Variants in MDN1 observed in about 807,000 individuals in gnomAD.
MDN1 encodes the protein midasin.
In MDN1, 266 loss-of-function variants were observed where a neutral mutation model predicts 669.2. That is an observed-to-expected ratio of 0.40 (90% CI 0.36 to 0.44). MDN1 has a LOEUF of 0.44. Among genes scored for constraint, MDN1 ranks in the 20% least tolerant of loss-of-function variants. The pLI, the probability that MDN1 is intolerant of heterozygous loss-of-function variation, is 1.00. For missense variants in MDN1, 5,940 were observed against 6,754.0 expected (o/e 0.88, Z 4.22); for synonymous variants, 2,385 against 2,457.1 (o/e 0.97, Z 0.87).
intron 83 of MDN1, among the ~76,000 whole-genome samples, chr6:89,670,349 A>G (rs1166752486): frequency 1.3e-5 from 2 of 150,172 alleles, no homozygotes; most frequent in African/African-American, 4.9e-5. Context: ...TAATTTTTGT[A>G]TTTTTAGTAG....
chr6:89,767,558 G>A (rs1032967547), intron 15 of MDN1, among the ~76,000 whole-genome samples: 1 of 152,000 alleles, frequency 6.6e-6, no homozygotes, highest in Non-Finnish European at 1.5e-5. Context: ...AGGAGTTCGA[G>A]ACCAGCCTGA....
Position 89,745,598 on chromosome 6 carries a change from C to A in MDN1, c.3933G>T (p.Arg1311Ser). The change falls in exon 28 of 102, where the codon AGG becomes AGT. Residue 1311 changes from arginine (R) to serine (S), a missense_variant. Coordinates refer to ENST00000369393, the MANE Select transcript of MDN1 (RefSeq NM_014611.3). Reference sequence around the variant, plus strand: ...GAATCACATCAATTTCCTCCTGCTTCCTGACTCGACCTGCCAGAAGCATAT... The same window carrying A: ...GAATCACATCAATTTCCTCCTGCTTACTGACTCGACCTGCCAGAAGCATAT... ...DGYMLLAGRV[R>S]KQEEIDVIQE... The A allele has an allele frequency of 6.2e-7, 1 of 1,614,108 alleles. No homozygotes were observed. Among genetic ancestry groups the A allele is most frequent in the Non-Finnish European group, 8.5e-7 (1 of 1,180,014 alleles).
Position 89,673,989 on chromosome 6 carries a change from G to A in MDN1, c.13247+115C>T. 3.2e-6 allele frequency: 4 copies of A among 1,260,002 alleles called. No homozygotes were observed. In the South Asian group the frequency reaches 5.9e-5, roughly 19 times the overall value. 78.1% of individuals were successfully genotyped at this position (1,260,002 alleles called of 1,614,324 possible). On this transcript the variant is annotated intron_variant, in intron 79 of 101. Transcript: ENST00000369393. ...AACCGACGAGTTCCCTAGGTTCCAG[G>A]GCTGTCTAAAAGCTGCTGCTTTCTG...
intron 15 of MDN1, among the ~76,000 whole-genome samples, chr6:89,766,049 C>T (rs1314588235): frequency 6.6e-6 from 1 of 152,210 alleles, no homozygotes; most frequent in Non-Finnish European, 1.5e-5. Context: ...AATCCCAGCA[C>T]TTTGGGACGC....
At chr6:89,723,851 A>G (rs1350391613) in intron 38 of MDN1, among the ~76,000 whole-genome samples, 3 of 152,208 alleles carry the variant, frequency 2.0e-5, no homozygotes, top group African/African-American at 7.2e-5. Flanking sequence ...CTAGTGAATT[A>G]AAGAAAAAAG....
chr6:89,789,994 T>C, intron 6 of MDN1, 83 bp from the exon 7 acceptor site: 1 of 1,586,936 alleles, frequency 6.3e-7, no homozygotes, highest in Non-Finnish European at 8.6e-7. Flanking sequence ...GTTAATCTTC[T>C]ATAGGTAGGT....
rs1816845761 is a variant in MDN1, at chr6:89,749,584, A to C, written c.3574T>G (p.Phe1192Val). Reference protein sequence around the residue: ...VVKAHPRFMLFATQNPPGLYG... With the variant: ...VVKAHPRFMLVATQNPPGLYG... The stretch of plus-strand genomic sequence containing the variant: ...AGTCCTGGGGGATTTTGGGTGGCAA[A>C]AAGCATAAACCGAGGGTGTGCTTTA... The change falls in exon 25 of 102, where the codon TTT becomes GTT. Residue 1192 changes from phenylalanine (F) to valine (V), a missense_variant. Transcript: ENST00000369393. 6.2e-6 allele frequency: 10 copies of C among 1,614,044 alleles called. No individual in the cohort carries two copies. Among genetic ancestry groups the C allele is most frequent in the Non-Finnish European group, 8.5e-6 (10 of 1,180,034 alleles).
intron 53 of MDN1, among the ~76,000 whole-genome samples, chr6:89,703,373 G>GC (rs1246590835): frequency 6.8e-6 from 1 of 147,720 alleles, no homozygotes; most frequent in South Asian, 2.2e-4. Context: ...TGGGGAAGGG[G>GC]GGGGGGTCTA....
chr6:89,811,568 C>T (rs1175823063), intron 1 of MDN1, among the ~76,000 whole-genome samples: 1 of 152,082 alleles, frequency 6.6e-6, no homozygotes, highest in South Asian at 2.1e-4. Context: ...GCCACAGCCT[C>T]CCAAGTAGCT....
chr6:89,680,687 C>A lies in MDN1; in HGVS notation c.12167G>T (p.Arg4056Leu), dbSNP rs762686166. Residue 4056 changes from arginine to leucine, a missense_variant, in exon 74 of 102, where the codon CGC becomes CTC. By Grantham distance (102) the Arg-to-Leu change is moderately radical (BLOSUM62 -2). Coordinates refer to ENST00000369393, the MANE Select transcript of MDN1 (RefSeq NM_014611.3). Reference sequence around the variant, plus strand: ...CATGCGTTTCCTGAGCTTTGGCAAGCGACGCAGAAGCTCCCCTTCCAAGCC... The same window carrying A: ...CATGCGTTTCCTGAGCTTTGGCAAGAGACGCAGAAGCTCCCCTTCCAAGCC... ...PSGLEGELLR[R>L]LPKLRKRMRK... 1.2e-6 allele frequency: 2 copies of A among 1,614,106 alleles called. No individual in the cohort carries two copies. Among genetic ancestry groups the A allele is most frequent in the South Asian group, 2.2e-5 (2 of 91,078 alleles).
chr6:89,720,227 T>C (rs1211876037), intron 40 of MDN1, among the ~76,000 whole-genome samples: 6 of 152,088 alleles, frequency 3.9e-5, no homozygotes, highest in Non-Finnish European at 5.9e-5. Context: ...CATGACCTCA[T>C]GTTCCACACT....
rs140528108 is a variant in MDN1, at chr6:89,661,380, C to G, written c.14713+51G>C. 3.0e-3 allele frequency: 4,632 copies of G among 1,567,906 alleles called. 8 individuals carry two copies. Among genetic ancestry groups the G allele is most frequent in the Non-Finnish European group, 3.8e-3 (4,338 of 1,155,008 alleles). The stretch of plus-strand genomic sequence containing the variant: ...TAGCTTTCAAAAGAGAAATCAATTA[C>G]TGTTCACTAATGTGAGTTCTAACCG... On this transcript the variant is annotated intron_variant, in intron 88 of 101. Transcript: ENST00000369393.
Position 89,786,738 on chromosome 6 carries a change from C to T in MDN1, c.1334+1116G>A, listed in dbSNP as rs1330407930. 2.0e-5 allele frequency among the ~76,000 whole-genome samples: 3 copies of T among 151,868 alleles called. No homozygotes were observed. In the East Asian group the frequency reaches 5.8e-4, roughly 29 times the overall value. On this transcript the variant is annotated intron_variant, in intron 8 of 101. Coordinates refer to ENST00000369393, the MANE Select transcript of MDN1 (RefSeq NM_014611.3). ...GTCAGGAGATCAAGACCAGCCTGGC[C>T]AACATGGTGAAACCCCGTCTCTACT...
At chr6:89,730,383 G>T (rs1324740544) in intron 35 of MDN1, among the ~76,000 whole-genome samples, 1 of 152,124 alleles carries the variant, frequency 6.6e-6, no homozygotes, top group African/African-American at 2.4e-5. Context: ...TACATTATAG[G>T]CTAAATAGGT....
Position 89,732,752 on chromosome 6 carries a change from G to T in MDN1, c.4747C>A (p.Leu1583Met). The change falls in exon 34 of 102, where the codon CTG (leucine) becomes ATG (methionine). Residue 1583 changes from leucine to methionine, a missense_variant. By Grantham distance (15) the Leu-to-Met change is conservative (BLOSUM62 2). Transcript: ENST00000369393. Reference sequence around the variant, plus strand: ...TGGGTCAGCCAGTCAATGAAATCCAGCATCACTTCAGGTATGTCAGACCCT... The same window carrying T: ...TGGGTCAGCCAGTCAATGAAATCCATCATCACTTCAGGTATGTCAGACCCT... ...PKGSDIPEVM[L>M]DFIDWLTHQE... The T allele has an allele frequency of 6.2e-7, 1 of 1,613,994 alleles. No individual in the cohort carries two copies. The highest frequency in any genetic ancestry group is 1.7e-5 in the Admixed American group (1 of 60,004).
rs1809906103 is a variant in MDN1 at position 89,662,920 on chromosome 6, G to A, written c.14284C>T (p.His4762Tyr). ...TCCTCACCATTGAGATCGCCCATGT[G>A]TTTATCCAGGTCTCCGCCCTCACTA... ...SDSEGGDLDKHMGDLNGEEAD... is the reference protein window; with the variant it reads ...SDSEGGDLDKYMGDLNGEEAD... Residue 4762 changes from histidine to tyrosine, a missense_variant, in exon 86 of 102, where the codon CAC becomes TAC. Coordinates refer to ENST00000369393, the MANE Select transcript of MDN1 (RefSeq NM_014611.3). 6 of 1,614,020 alleles carry A rather than the reference G, an allele frequency of 3.7e-6. No homozygotes were observed. Among genetic ancestry groups the A allele is most frequent in the Non-Finnish European group, 5.1e-6 (6 of 1,180,010 alleles).
rs1466803013 is a variant in MDN1, at chr6:89,672,275, T to C, written c.13719A>G (p.Lys4573=). ...WADVSTLHVQ[K]IISAISELLE... ...ACAGCTCGGAGATGGCAGAAATTAT[T>C]TTCTGCACGTGCAAAGTGCTCACAT... The change falls in exon 82 of 102, where the codon AAA becomes AAG. Residue 4573 remains lysine (K), a synonymous_variant. Transcript: ENST00000369393. The C allele has an allele frequency of 1.2e-6, 2 of 1,612,286 alleles. No individual in the cohort carries two copies. Among genetic ancestry groups the C allele is most frequent in the African/African-American group, 2.7e-5 (2 of 74,796 alleles).
intron 96 of MDN1, 118 bp from the exon 97 acceptor site, chr6:89,650,316 C>T (rs764114840): frequency 2.2e-6 from 2 of 920,760 alleles, no homozygotes; most frequent in Non-Finnish European, 3.2e-6. Context: ...AGGAACCTGG[C>T]ACAATGAAGT....
rs770320485 is a variant in MDN1, at chr6:89,658,660, C to G, written c.14971G>C (p.Asp4991His). The G allele has an allele frequency of 1.2e-6, 2 of 1,613,208 alleles. No homozygotes were observed. Among genetic ancestry groups the G allele is most frequent in the Admixed American group, 1.7e-5 (1 of 60,004 alleles). The change falls in exon 89 of 102, where the codon GAT becomes CAT. Residue 4991 changes from aspartate to histidine, a missense_variant. By Grantham distance (81) the Asp-to-His change is moderately conservative. Coordinates refer to ENST00000369393, the MANE Select transcript of MDN1 (RefSeq NM_014611.3). The part of the protein sequence containing the change: ...QSVEEKDKEA[D>H]EEGGENGPAD... The stretch of plus-strand genomic sequence containing the variant: ...GGGCCATTCTCTCCACCTTCTTCAT[C>G]GGCTTCCTTGTCTTTTTCCTCCACA...
Sources: allele counts gnomAD v4.1 joint callset (sites outside exome capture counted in the v4.1 genomes callset), GRCh38; gene constraint gnomAD v4.1.1; transcripts MANE v1.5; gene names NCBI Gene and HGNC (gene_info 2026-07-23, HGNC 2026-07-21).